The following NPAS2 variants were observed in gnomAD, a reference collection of about 807,000 sequenced individuals.
The protein encoded by NPAS2 is neuronal PAS domain protein 2, also known as neuronal PAS domain-containing protein 2.
Under a neutral mutation model 107.5 loss-of-function variants are expected in NPAS2, and 23 were observed. The observed-to-expected ratio is 0.21, with a 90% CI of 0.15 to 0.30. The LOEUF is 0.30. Among genes scored for constraint, NPAS2 ranks in the 10% least tolerant of loss-of-function variants. The pLI, the probability that NPAS2 is intolerant of heterozygous loss-of-function variation, is 1.00. For missense variants in NPAS2, 756 were observed against 1,043.3 expected (o/e 0.72, Z 3.79); for synonymous variants, 403 against 417.5 (o/e 0.97, Z 0.42).
At position 100,877,154 on chromosome 2, in the gene NPAS2, G is replaced by T. The variant is rs533094511; in HGVS notation, c.-22-27579G>T. The stretch of plus-strand genomic sequence containing the variant: ...GTCAGGGCAGTGTGATCTCCTCCTG[G>T]GAATTGCTGTATTTGAAATGATTGA... On this transcript the variant is annotated intron_variant, in intron 1 of 20. Transcript: ENST00000335681. Among the ~76,000 whole-genome samples, 78 of 152,206 alleles carry T rather than the reference G, an allele frequency of 5.1e-4. 2 individuals carry two copies. In the South Asian group the frequency reaches 0.015, roughly 29 times the overall value.
Position 100,948,234 on chromosome 2 carries a change from G to T in NPAS2, c.364-1G>T, listed in dbSNP as rs1675022060. On this transcript the variant is annotated splice_acceptor_variant, in intron 5 of 20. Transcript: ENST00000335681. LOFTEE classifies it high-confidence loss of function. ...CCTTTGTCCTTTATTTTCTTTTTCA[G>T]TCGGATGTCATGGATCAGAATTTGT... is the stretch of plus-strand genomic sequence containing the variant. 6.2e-7 allele frequency: 1 copy of T among 1,610,504 alleles called. No individual in the cohort carries two copies. Among genetic ancestry groups the T allele is most frequent in the South Asian group, 1.1e-5 (1 of 89,660 alleles).
chr2:100,835,231 C>T (rs914744528), intron 1 of NPAS2, among the ~76,000 whole-genome samples: 2 of 152,208 alleles, frequency 1.3e-5, no homozygotes, highest in Admixed American at 1.3e-4. Flanking sequence ...GGCATGAGGA[C>T]AGTCAGAACA....
At chr2:100,819,302 C>T (rs1675907007), upstream of NPAS2, among the ~76,000 whole-genome samples, 1 of 152,152 alleles carries the variant, frequency 6.6e-6, no homozygotes. This position sits in a 1 kb window ranked among gnomAD's most constrained non-coding sequence, Gnocchi z 5.8. Context: ...AGCCCCACAC[C>T]CCACGTGCCC....
intron 2 of NPAS2, among the ~76,000 whole-genome samples, chr2:100,908,338 C>T (rs1357844196): frequency 6.6e-6 from 1 of 152,072 alleles, no homozygotes; most frequent in African/African-American, 2.4e-5. Flanking sequence ...GAGCATTTTA[C>T]ATGCAGTAAT....
intron 1 of NPAS2, among the ~76,000 whole-genome samples, chr2:100,837,080 A>G (rs1300651370): frequency 6.6e-6 from 1 of 152,040 alleles, no homozygotes; most frequent in Non-Finnish European, 1.5e-5. Flanking sequence ...GCGGGACCCC[A>G]TCCTTCCAGA....
At chr2:100,822,945 T>C (rs1225825868) in intron 1 of NPAS2, 1 of 152,222 alleles carries the variant, frequency 6.6e-6, no homozygotes, top group Non-Finnish European at 1.5e-5. Flanking sequence ...GTGCATTATT[T>C]GCTTACAGAA....
chr2:100,891,014 T>C (rs563617987), intron 1 of NPAS2, among the ~76,000 whole-genome samples: 4 of 151,910 alleles, frequency 2.6e-5, no homozygotes, highest in East Asian at 3.9e-4. Context: ...GGGTGGATCA[T>C]GAGGTCAGGA....
intron 1 of NPAS2, among the ~76,000 whole-genome samples, chr2:100,874,842 C>T (rs571592858): frequency 1.6e-4 from 25 of 152,266 alleles, no homozygotes; most frequent in Non-Finnish European, 2.6e-4. Flanking sequence ...AACCCGGGGC[C>T]GTTTCCTCCA....
At chr2:100,856,787 G>C (rs1323851103) in intron 1 of NPAS2, among the ~76,000 whole-genome samples, 1 of 152,130 alleles carries the variant, frequency 6.6e-6, no homozygotes, top group African/African-American at 2.4e-5. Flanking sequence ...TGTGGTGCCA[G>C]GGAAGGACCA....
In NPAS2 at chr2:100,966,420, C is replaced by T. The variant is rs17025095; in HGVS notation, c.907+654C>T. Among the ~76,000 whole-genome samples the T allele has an allele frequency of 8.5e-5, 13 of 152,074 alleles. No individual in the cohort carries two copies. The East Asian group carries it at 2.3e-3, about 27-fold the overall frequency. On this transcript the variant is annotated intron_variant, in intron 10 of 20. Coordinates refer to ENST00000335681, the MANE Select transcript of NPAS2 (RefSeq NM_002518.4). ...GGGGAGTGAGAATTACAAGCTTGTC[C>T]GAGTTCTCACTTAGCAAGTGGTTTC... is the stretch of plus-strand genomic sequence containing the variant.
chr2:100,904,554 C>CA (rs1314343251), intron 1 of NPAS2, among the ~76,000 whole-genome samples, 179 bp from the exon 2 acceptor site: 2 of 152,236 alleles, frequency 1.3e-5, no homozygotes, highest in East Asian at 3.9e-4. Context: ...AACCCACATA[C>CA]ACAGAAGTGC....
chr2:100,837,559 C>A (rs897549707), intron 1 of NPAS2, among the ~76,000 whole-genome samples: 1 of 152,120 alleles, frequency 6.6e-6, no homozygotes, highest in African/African-American at 2.4e-5. Context: ...GTGATCCACC[C>A]GCCTTGGCCT....
intron 15 of NPAS2, among the ~76,000 whole-genome samples, chr2:100,978,643 G>A (rs1284285203): frequency 1.3e-5 from 2 of 152,258 alleles, no homozygotes; most frequent in African/African-American, 2.4e-5. Context: ...TGAGCGAGGT[G>A]TTAGGGATGT....
rs939344636 is a variant in NPAS2 at position 100,863,912 on chromosome 2, G to C, written c.-22-40821G>C. 2.0e-5 allele frequency among the ~76,000 whole-genome samples: 3 copies of C among 152,028 alleles called. 1 individual carries two copies. The highest frequency in any genetic ancestry group is 6.6e-5 in the Admixed American group (1 of 15,250). ...GTGTCCTCCATCAGTATAAGCTTTT[G>C]ACCTAAAGCACACCTTAATTTGTCA... is the stretch of plus-strand genomic sequence containing the variant. On this transcript the variant is annotated intron_variant, in intron 1 of 20. Transcript: ENST00000335681.
In NPAS2 at chr2:100,887,596, C is replaced by T. The variant is rs540665661; in HGVS notation, c.-22-17137C>T. On this transcript the variant is annotated intron_variant, in intron 1 of 20. Coordinates refer to ENST00000335681, the MANE Select transcript of NPAS2 (RefSeq NM_002518.4). Reference sequence around the variant, plus strand: ...CCTGTGCAAGTATCACAGCACCATACAGACATGAATTCATGTGTCTTTAAT... The same window carrying T: ...CCTGTGCAAGTATCACAGCACCATATAGACATGAATTCATGTGTCTTTAAT... Among the ~76,000 whole-genome samples, 323 of 152,330 alleles carry T rather than the reference C, an allele frequency of 2.1e-3. 1 individual carries two copies. The highest frequency in any genetic ancestry group is 7.5e-3 in the African/African-American group (312 of 41,580).
At chr2:100,899,557 C>A (rs749531118) in intron 1 of NPAS2, among the ~76,000 whole-genome samples, 1 of 152,022 alleles carries the variant, frequency 6.6e-6, no homozygotes, top group Admixed American at 6.6e-5. Context: ...ATCAGTGTTG[C>A]GACAAATGCA....
At chr2:100,899,755 T>C (rs1681655382) in intron 1 of NPAS2, among the ~76,000 whole-genome samples, 1 of 152,172 alleles carries the variant, frequency 6.6e-6, no homozygotes, top group Admixed American at 6.5e-5. Context: ...TTGAGACACA[T>C]AGGATAAATG....
At position 100,974,881 on chromosome 2, in the gene NPAS2, T is replaced by G; in HGVS notation, c.1219T>G (p.Ser407Ala). 6.2e-7 allele frequency: 1 copy of G among 1,614,072 alleles called. No individual in the cohort carries two copies. Among genetic ancestry groups the G allele is most frequent in the South Asian group, 1.1e-5 (1 of 91,084 alleles). Reference sequence around the variant, plus strand: ...TGCCTCGGGCCTTAATACCAGTCATTCGCCATCGGCGTCCTCAAGAAGTTC... The same window carrying G: ...TGCCTCGGGCCTTAATACCAGTCATGCGCCATCGGCGTCCTCAAGAAGTTC... ...VGASGLNTSH[S>A]PSASSRSSHK... is the part of the protein sequence containing the mutation. Residue 407 changes from serine (S) to alanine (A), a missense_variant, in exon 13 of 21, where the codon TCG becomes GCG. Around this residue, in one of 4 missense-constraint regions of NPAS2, gnomAD observed 496 missense variants for 594.4 expected, o/e 0.83. Transcript: ENST00000335681.
chr2:100,948,225 TC>T lies in NPAS2; in HGVS notation c.364-9del. ...GAGGGTGTACCTTTGTCCTTTATTT[TC>T]TTTTTCAGTCGGATGTCATGGATCA... is the stretch of plus-strand genomic sequence containing the variant. On this transcript the variant is annotated splice_polypyrimidine_tract_variant and intron_variant, in intron 5 of 20. Transcript: ENST00000335681. The T allele has an allele frequency of 1.2e-6, 2 of 1,611,086 alleles. No homozygotes were observed. Among genetic ancestry groups the T allele is most frequent in the Non-Finnish European group, 1.7e-6 (2 of 1,179,376 alleles).
Sources: allele counts gnomAD v4.1 joint callset (sites outside exome capture counted in the v4.1 genomes callset), GRCh38; gene constraint gnomAD v4.1.1; regional missense constraint gnomAD v4.1.1; non-coding constraint Gnocchi (gnomAD v3.1); transcripts MANE v1.5; gene names NCBI Gene and HGNC (gene_info 2026-07-23, HGNC 2026-07-21).